WWOX: variants seen among roughly 807,000 people sequenced by gnomAD.
The protein encoded by WWOX is WW domain-containing oxidoreductase.
In WWOX, 69 loss-of-function variants were observed where a neutral mutation model predicts 46.2. The ratio of observed to expected loss-of-function variants is 1.49; its 90% CI spans 1.23 to 1.82. WWOX has a LOEUF of 1.82. Among genes scored for constraint, WWOX ranks in the 40% most tolerant of loss-of-function variants. WWOX has a pLI of 0.00. For missense variants in WWOX, 919 were observed against 542.6 expected, an observed-to-expected ratio of 1.69 and a Z score of -6.89; for synonymous variants, 359 against 202.6, an observed-to-expected ratio of 1.77 and a Z score of -6.56.
chr16:78,574,031 A>G (rs2044784737), intron 8 of WWOX, among the ~76,000 whole-genome samples: 1 of 152,160 alleles, frequency 6.6e-6, no homozygotes, highest in Admixed American at 6.6e-5. Flanking sequence ...AATCACCCAG[A>G]TTACTAGCAG....
At chr16:79,187,994 C>G (rs182203851) in intron 8 of WWOX, among the ~76,000 whole-genome samples, 2 of 152,208 alleles carry the variant, frequency 1.3e-5, no homozygotes, top group African/African-American at 4.8e-5. Context: ...CTCCCATGCA[C>G]GGGGAGTCAA....
intron 8 of WWOX, among the ~76,000 whole-genome samples, chr16:78,699,300 T>C (rs1110557): frequency 0.97 from 147,513 of 152,006 alleles, 71,891 homozygotes; most frequent in Middle Eastern, 1. Context: ...TTTGGAGGCT[T>C]ATGTGGGTGG....
intron 8 of WWOX, among the ~76,000 whole-genome samples, chr16:78,699,164 G>C (rs1034133201): frequency 6.6e-6 from 1 of 152,158 alleles, no homozygotes; most frequent in Non-Finnish European, 1.5e-5. Context: ...TATAAAAACA[G>C]GTCACGGGCC....
intron 5 of WWOX, among the ~76,000 whole-genome samples, chr16:78,188,286 G>A (rs1490891383): frequency 2.6e-5 from 4 of 152,092 alleles, no homozygotes; most frequent in Non-Finnish European, 2.9e-5. Flanking sequence ...TCAGGAGATC[G>A]AGACCATCCT....
chr16:78,537,798 AG>A (rs1389448527), intron 8 of WWOX, among the ~76,000 whole-genome samples: 2 of 152,138 alleles, frequency 1.3e-5, no homozygotes, highest in Non-Finnish European at 2.9e-5. Flanking sequence ...GGAGGTAATC[AG>A]GGGTGTGCTG....
At chr16:78,648,420 A>G (rs2046894065) in intron 8 of WWOX, among the ~76,000 whole-genome samples, 1 of 152,170 alleles carries the variant, frequency 6.6e-6, no homozygotes, top group Non-Finnish European at 1.5e-5. Context: ...AGATGGTTGT[A>G]AGGTAAACAG....
chr16:78,729,954 A>G (rs541788408), intron 8 of WWOX, among the ~76,000 whole-genome samples: 2 of 152,254 alleles, frequency 1.3e-5, no homozygotes, highest in African/African-American at 4.8e-5. Flanking sequence ...AGAGCAATCG[A>G]AGGTCATAGT....
chr16:78,675,650 T>G (rs8051011), intron 8 of WWOX, among the ~76,000 whole-genome samples: 41,534 of 151,934 alleles, frequency 0.27, 9,178 homozygotes, highest in African/African-American at 0.62. Flanking sequence ...CATCTGTATG[T>G]CTTTAAAAAA....
intron 8 of WWOX, among the ~76,000 whole-genome samples, chr16:78,864,682 T>C (rs2043963774): frequency 1.3e-5 from 2 of 151,738 alleles, no homozygotes; most frequent in African/African-American, 4.9e-5. Flanking sequence ...GCACAGGGTC[T>C]GACACATCAC....
At chr16:78,588,587 A>AT in intron 8 of WWOX, among the ~76,000 whole-genome samples, 1 of 152,166 alleles carries the variant, frequency 6.6e-6, no homozygotes, top group Admixed American at 6.5e-5. Flanking sequence ...CAGTTAGTCT[A>AT]TTTTTTGTAC....
intron 8 of WWOX, among the ~76,000 whole-genome samples, chr16:78,935,328 A>C (rs2045713208): frequency 1.3e-5 from 2 of 152,144 alleles, no homozygotes; most frequent in Non-Finnish European, 1.5e-5. Flanking sequence ...GGCACTATTC[A>C]CAATAGCAAA....
intron 6 of WWOX, among the ~76,000 whole-genome samples, chr16:78,424,120 G>GTTT (rs565162154): frequency 4.6e-5 from 5 of 108,070 alleles, no homozygotes; most frequent in East Asian, 5.1e-4. Flanking sequence ...TTTTTTTTTT[G>GTTT]TTTTTTTTTT....
intron 8 of WWOX, among the ~76,000 whole-genome samples, chr16:78,850,728 G>T (rs1331673403): frequency 6.6e-6 from 1 of 152,102 alleles, no homozygotes. Flanking sequence ...GGGGTGTGTG[G>T]ACTCAGGGCT....
At chr16:78,705,200 G>A (rs2048305586) in intron 8 of WWOX, among the ~76,000 whole-genome samples, 1 of 152,150 alleles carries the variant, frequency 6.6e-6, no homozygotes. Flanking sequence ...CATTCAGTCT[G>A]ACGGCCGCTA....
chr16:78,103,853 G>C (rs972407502), intron 1 of WWOX, among the ~76,000 whole-genome samples: 92 of 151,996 alleles, frequency 6.1e-4, no homozygotes, highest in African/African-American at 1.9e-3. Flanking sequence ...GTCTTGTGTG[G>C]GTGCTGTCGG....
At chr16:78,311,512 C>T (rs968491253) in intron 5 of WWOX, among the ~76,000 whole-genome samples, 1 of 152,200 alleles carries the variant, frequency 6.6e-6, no homozygotes, top group Non-Finnish European at 1.5e-5. Context: ...CTACTTCCCT[C>T]CTGGGGAGAT....
chr16:78,754,898 T>TG (rs2049598236), intron 8 of WWOX, among the ~76,000 whole-genome samples: 1 of 152,000 alleles, frequency 6.6e-6, no homozygotes, highest in Non-Finnish European at 1.5e-5. Context: ...CACTGTCCAT[T>TG]ATCTGCAGGG....
intron 8 of WWOX, among the ~76,000 whole-genome samples, chr16:78,948,451 A>T (rs909829777): frequency 3.9e-5 from 6 of 152,240 alleles, no homozygotes; most frequent in Admixed American, 3.9e-4. Context: ...AGTGAGCCAG[A>T]GGTCTGTCTC....
At chr16:79,175,459 T>G (rs2050781710) in intron 8 of WWOX, among the ~76,000 whole-genome samples, 1 of 152,216 alleles carries the variant, frequency 6.6e-6, no homozygotes, top group Non-Finnish European at 1.5e-5. Flanking sequence ...AGTCTGACTC[T>G]CTTTAGCAGG....
Sources: gnomAD v4.1 joint callset for allele counts (sites outside exome capture counted in the v4.1 genomes callset) on GRCh38, gnomAD v4.1.1 for gene constraint, MANE v1.5 for transcripts, NCBI Gene and HGNC (gene_info 2026-07-23, HGNC 2026-07-21) for gene names.